LRP1B: variants seen among roughly 807,000 people sequenced by gnomAD.
LRP1B encodes the protein low-density lipoprotein receptor-related protein 1B.
A neutral mutation model predicts 556.6 loss-of-function variants in LRP1B; 217 were observed. The ratio of observed to expected loss-of-function variants is 0.39; its 90% CI spans 0.35 to 0.44. The LOEUF (loss-of-function observed/expected upper bound fraction) is 0.44. Among genes scored for constraint, LRP1B ranks in the 20% least tolerant of loss-of-function variants. The probability of loss-of-function intolerance (pLI) is 1.00; values close to 1 mark genes in which losing one functional copy is unlikely to be tolerated. For missense variants in LRP1B, 5,053 were observed against 5,620.8 expected (o/e 0.90, Z 3.23); for synonymous variants, 2,047 against 1,865.8 (o/e 1.10, Z -2.50).
chr2:141,315,105 A>G (rs2105457853), intron 3 of LRP1B, among the ~76,000 whole-genome samples: 1 of 150,882 alleles, frequency 6.6e-6, no homozygotes, highest in East Asian at 1.9e-4. Context: ...TGAACTTAAA[A>G]CTGAAGGAAC....
chr2:140,484,630 A>C (rs1420011983), intron 59 of LRP1B, among the ~76,000 whole-genome samples: 5 of 152,176 alleles, frequency 3.3e-5, no homozygotes, highest in Admixed American at 6.5e-5. Context: ...AAAGTTAAAA[A>C]GTTATGTACA....
chr2:140,894,544 C>T (rs917503995), intron 23 of LRP1B, among the ~76,000 whole-genome samples: 1 of 151,022 alleles, frequency 6.6e-6, no homozygotes, highest in African/African-American at 2.4e-5. Flanking sequence ...AAAAAAAATA[C>T]TGCAGCTATT....
At chr2:140,498,932 T>C (rs969341160) in intron 55 of LRP1B, among the ~76,000 whole-genome samples, 2 of 151,884 alleles carry the variant, frequency 1.3e-5, no homozygotes, top group African/African-American at 4.8e-5. Flanking sequence ...CAATAGGTGT[T>C]TTATATTATT....
intron 27 of LRP1B, among the ~76,000 whole-genome samples, chr2:140,859,236 GA>G (rs199756532): frequency 2.4e-4 from 35 of 145,784 alleles, no homozygotes; most frequent in South Asian, 6.5e-4. Context: ...TGACAAAAAA[GA>G]AAAAAAAAAC....
intron 53 of LRP1B, among the ~76,000 whole-genome samples, chr2:140,504,562 T>C (rs1032813073): frequency 5.3e-5 from 8 of 152,196 alleles, no homozygotes; most frequent in Non-Finnish European, 1.2e-4. Context: ...AGTCACTATA[T>C]AGCTTTATGT....
intron 3 of LRP1B, among the ~76,000 whole-genome samples, chr2:141,322,121 C>G (rs1414879277): frequency 1.3e-5 from 2 of 151,880 alleles, no homozygotes; most frequent in Admixed American, 1.3e-4. Context: ...AAATATTAAC[C>G]CAGTGCATTG....
At chr2:141,929,011 A>G (rs541239127) in intron 1 of LRP1B, among the ~76,000 whole-genome samples, 53 of 152,232 alleles carry the variant, frequency 3.5e-4, no homozygotes, top group African/African-American at 1.3e-3. Flanking sequence ...CAGCTGCCTT[A>G]GAGGGTCTGT....
rs528693025 is a variant in LRP1B, at chr2:140,257,756, A to G, written c.13248-10594T>C. 3.9e-5 allele frequency among the ~76,000 whole-genome samples: 6 copies of G among 152,314 alleles called. No individual in the cohort carries two copies. In the South Asian group the frequency reaches 1.2e-3, roughly 32 times the overall value. ...GGGGGAGAAAGCAAATCAGGGACAT[A>G]CAATGTCCTGACTTTTGAAATGTGG... On this transcript the variant is annotated intron_variant, in intron 86 of 90. Transcript: ENST00000389484.
At chr2:141,295,746 A>ACACACACACACACAC (rs1686155366) in intron 3 of LRP1B, among the ~76,000 whole-genome samples, 1 of 130,520 alleles carries the variant, frequency 7.7e-6, no homozygotes, top group African/African-American at 2.9e-5. Flanking sequence ...TGAGGAGAGA[A>ACACACACACACACAC]ACACACACAC....
intron 3 of LRP1B, among the ~76,000 whole-genome samples, chr2:141,415,687 G>A (rs1332068397): frequency 1.3e-5 from 2 of 152,106 alleles, no homozygotes; most frequent in South Asian, 4.1e-4. Context: ...AGCATCAGAG[G>A]TGGCCAAATA....
At chr2:141,047,047 A>ACTCCAGCCTGGGCGACAGAGCAAGACT (rs1553451699) in intron 11 of LRP1B, among the ~76,000 whole-genome samples, 3 of 140,958 alleles carry the variant, frequency 2.1e-5, no homozygotes, top group Admixed American at 7.2e-5. Flanking sequence ...GCAGCACTGC[A>ACTCCAGCCTGGGCGACAGAGCAAGACT]CAAAAATTAA....
chr2:141,467,839 C>CGTGT (rs1553518610), intron 3 of LRP1B, among the ~76,000 whole-genome samples: 7 of 57,188 alleles, frequency 1.2e-4, no homozygotes, highest in African/African-American at 3.1e-4. Flanking sequence ...GTTTGCGGAC[C>CGTGT]GGGGGGGGGG....
At chr2:141,036,987 C>A (rs990774717) in intron 11 of LRP1B, among the ~76,000 whole-genome samples, 1 of 152,054 alleles carries the variant, frequency 6.6e-6, no homozygotes, top group Non-Finnish European at 1.5e-5. Context: ...CCCAGACACG[C>A]AGGACCTAAG....
Position 140,450,507 on chromosome 2 carries a change from T to G in LRP1B, c.10057+61A>C, listed in dbSNP as rs1686840908. 1.0e-5 allele frequency: 13 copies of G among 1,281,176 alleles called. No homozygotes were observed. In the East Asian group the frequency reaches 3.0e-4, roughly 30 times the overall value. The allele number at this position is 1,281,176 out of a possible 1,614,324, so 79.4% of individuals were successfully genotyped here. On this transcript the variant is annotated intron_variant, in intron 63 of 90. Coordinates refer to ENST00000389484, the MANE Select transcript of LRP1B (RefSeq NM_018557.3). ...AATACTTTAGGTGTAGATTCAATTT[T>G]CCAGGTCTGGGATATAAGGAACTCT...
chr2:142,095,792 T>C (rs536490754), intron 1 of LRP1B, among the ~76,000 whole-genome samples: 7 of 151,934 alleles, frequency 4.6e-5, no homozygotes, highest in Non-Finnish European at 8.8e-5. Flanking sequence ...TATAATGTGA[T>C]TATTTTTACA....
At position 140,510,051 on chromosome 2, in the gene LRP1B, T is replaced by C; in HGVS notation, c.8275A>G (p.Ile2759Val). Residue 2759 changes from isoleucine (I) to valine (V), a missense_variant, in exon 52 of 91, where the codon ATA (isoleucine) becomes GTA (valine). Physicochemically the swap from Ile to Val is conservative, Grantham distance 29. Transcript: ENST00000389484. ...CTGAACATGTCAGCAGCACAGGTTA[T>C]GGCACCTGAAACACAAAAACATAAT... ...LDESDSICGA[I>V]TCAADMFSCQ... is the part of the protein sequence containing the mutation. The C allele has an allele frequency of 1.2e-6, 2 of 1,613,468 alleles. No homozygotes were observed. Among genetic ancestry groups the C allele is most frequent in the Non-Finnish European group, 1.7e-6 (2 of 1,179,908 alleles).
chr2:140,863,176 T>TAC (rs567063418), intron 27 of LRP1B, among the ~76,000 whole-genome samples: 96 of 152,136 alleles, frequency 6.3e-4, no homozygotes, highest in African/African-American at 2.2e-3. Context: ...ATATATGTGT[T>TAC]ACACACACAC....
intron 3 of LRP1B, among the ~76,000 whole-genome samples, chr2:141,326,246 C>T (rs1482875496): frequency 6.6e-6 from 1 of 151,784 alleles, no homozygotes; most frequent in Non-Finnish European, 1.5e-5. Flanking sequence ...TAACAAGATG[C>T]GATGTAAGTG....
chr2:140,375,404 G>A (rs1456349706), intron 68 of LRP1B, among the ~76,000 whole-genome samples: 2 of 151,942 alleles, frequency 1.3e-5, no homozygotes, highest in Non-Finnish European at 2.9e-5. Flanking sequence ...CCTTTAATTG[G>A]AAAATGGTAT....
Sources: allele counts gnomAD v4.1 joint callset (sites outside exome capture counted in the v4.1 genomes callset), GRCh38; gene constraint gnomAD v4.1.1; transcripts MANE v1.5; gene names NCBI Gene and HGNC (gene_info 2026-07-23, HGNC 2026-07-21).